Variants in AASDH observed in about 807,000 individuals in gnomAD.
AASDH encodes aminoadipate-semialdehyde dehydrogenase, also known as beta-alanine-activating enzyme.
A neutral mutation model predicts 102.3 loss-of-function variants in AASDH; 81 were observed. The ratio of observed to expected loss-of-function variants is 0.79; its 90% CI spans 0.66 to 0.95. AASDH has a LOEUF of 0.95. AASDH is among the 40% of genes least tolerant of loss of function. The pLI, the probability that AASDH is intolerant of heterozygous loss-of-function variation, is 0.00. For missense variants in AASDH, 1,203 were observed against 1,266.2 expected (o/e 0.95, Z 0.76); for synonymous variants, 398 against 454.0 (o/e 0.88, Z 1.57).
intron 4 of AASDH, among the ~76,000 whole-genome samples, 163 bp from the exon 5 acceptor site, chr4:56,371,806 A>G (rs559807632): frequency 3.3e-4 from 50 of 152,346 alleles, no homozygotes; most frequent in African/African-American, 1.1e-3. Flanking sequence ...AATTCAGGAA[A>G]TCTTCTTTAT....
At chr4:56,350,432 C>T (rs1252376562) in intron 10 of AASDH, among the ~76,000 whole-genome samples, 1 of 151,982 alleles carries the variant, frequency 6.6e-6, no homozygotes, top group African/African-American at 2.4e-5. Flanking sequence ...CCCGCCTGGG[C>T]AACAGAGTGA....
Position 56,351,343 on chromosome 4 carries a change from T to C in AASDH, c.1691A>G (p.Lys564Arg). 6.5e-7 allele frequency: 1 copy of C among 1,544,970 alleles called. No individual in the cohort carries two copies. Among genetic ancestry groups the C allele is most frequent in the Non-Finnish European group, 8.9e-7 (1 of 1,124,092 alleles). ...AATTTTATAACTTAAAAATTGTACC[T>C]TCCACAAATACTGTAATTTTTCCCA... is the stretch of plus-strand genomic sequence containing the variant. ...DLWEKLQYLW[K>R]STLNLPEDLL... Residue 564 changes from lysine (K) to arginine (R), a missense_variant and splice_region_variant, in exon 10 of 15, where the codon AAG becomes AGG. Lys to Arg is a conservative substitution (Grantham distance 26). Transcript: ENST00000205214.
rs1271764198 is a variant in AASDH at position 56,349,757 on chromosome 4, G to C, written c.1994C>G (p.Ala665Gly). 6.2e-7 allele frequency: 1 copy of C among 1,614,180 alleles called. No homozygotes were observed. Among genetic ancestry groups the C allele is most frequent in the Non-Finnish European group, 8.5e-7 (1 of 1,180,032 alleles). The change falls in exon 11 of 15, where the codon GCC (alanine) becomes GGC (glycine). Residue 665 changes from alanine to glycine, a missense_variant. Transcript: ENST00000205214. Reference sequence around the variant, plus strand: ...ATTGTGGCAAGTGAAAGTCATGATGGCTTTCTGATGTAAAGATGTTCCACT... The same window carrying C: ...ATTGTGGCAAGTGAAAGTCATGATGCCTTTCTGATGTAAAGATGTTCCACT... ...EASGTSLHQK[A>G]IMTFTCHNEI...
In AASDH at chr4:56,354,759, C is replaced by T. The variant is rs1283602737; in HGVS notation, c.1156G>A (p.Val386Ile). Residue 386 changes from valine (V) to isoleucine (I), a missense_variant, in exon 7 of 15, where the codon GTC (valine) becomes ATC (isoleucine). By Grantham distance (29) the Val-to-Ile change is conservative. Transcript: ENST00000205214. ...GFPLLGTVVE[V>I]RDTNGFTIQE... The stretch of plus-strand genomic sequence containing the variant: ...ATTGTGAAGCCATTAGTATCTCTGA[C>T]TTCAACTACTGTTCCAAGAAGTGGA... 6.2e-7 allele frequency: 1 copy of T among 1,611,610 alleles called. No individual in the cohort carries two copies. The highest frequency in any genetic ancestry group is 1.3e-5 in the African/African-American group (1 of 74,842).
At chr4:56,368,920 A>T (rs1751365614) in intron 5 of AASDH, among the ~76,000 whole-genome samples, 1 of 152,012 alleles carries the variant, frequency 6.6e-6, no homozygotes, top group East Asian at 1.9e-4. Context: ...AAAAAGAAAA[A>T]GAAAAGATGA....
At chr4:56,376,625 T>A (rs1021077531) in intron 4 of AASDH, among the ~76,000 whole-genome samples, 3 of 152,172 alleles carry the variant, frequency 2.0e-5, no homozygotes, top group African/African-American at 7.2e-5. Context: ...ATATGGCTAG[T>A]CCACGTTGAG....
chr4:56,362,752 G>C (rs1473582928), intron 5 of AASDH, among the ~76,000 whole-genome samples: 1 of 152,114 alleles, frequency 6.6e-6, no homozygotes, highest in Non-Finnish European at 1.5e-5. Flanking sequence ...ATGAACCCTG[G>C]GGGTGGAGCC....
At chr4:56,343,355 CA>C in intron 13 of AASDH, among the ~76,000 whole-genome samples, 2 of 89,948 alleles carry the variant, frequency 2.2e-5, no homozygotes, top group African/African-American at 7.5e-5. Flanking sequence ...AACAAACAAA[CA>C]AAAAAATACA....
At chr4:56,381,649 T>TCTCACACACATACACA (rs3223650) in intron 3 of AASDH, 1 of 142,304 alleles carries the variant, frequency 7.0e-6, no homozygotes, top group Non-Finnish European at 1.5e-5. Context: ...TTGACACTTC[T>TCTCACACACATACACA]CACACACACA....
intron 14 of AASDH, among the ~76,000 whole-genome samples, chr4:56,339,178 G>T (rs1162272161): frequency 6.6e-6 from 1 of 151,176 alleles, no homozygotes; most frequent in Non-Finnish European, 1.5e-5. Context: ...TTTTGAGATG[G>T]AGTCTTGCTC....
intron 11 of AASDH, among the ~76,000 whole-genome samples, chr4:56,346,517 T>C (rs571698968): frequency 6.5e-4 from 99 of 152,186 alleles, no homozygotes; most frequent in African/African-American, 2.1e-3. Flanking sequence ...AAAAATTAAA[T>C]TGGACTTCAT....
rs540530173 is a variant in AASDH at position 56,366,555 on chromosome 4, C to G, written c.861+4896G>C. Reference sequence around the variant, plus strand: ...GTGGGCTTCATCCCTAGGATGCAAGCCTGGTTCAATATATGCAAATCAATA... The same window carrying G: ...GTGGGCTTCATCCCTAGGATGCAAGGCTGGTTCAATATATGCAAATCAATA... On this transcript the variant is annotated intron_variant, in intron 5 of 14. Transcript: ENST00000205214. 4.2e-3 allele frequency among the ~76,000 whole-genome samples: 645 copies of G among 152,144 alleles called. 3 individuals are homozygous for G. The highest frequency in any genetic ancestry group is 0.015 in the African/African-American group (623 of 41,502).
rs1199005369 is a variant in AASDH at position 56,378,179 on chromosome 4, T to C, written c.637A>G (p.Lys213Glu). 1.2e-6 allele frequency: 2 copies of C among 1,612,878 alleles called. No individual in the cohort carries two copies. Among genetic ancestry groups the C allele is most frequent in the Admixed American group, 1.7e-5 (1 of 59,788 alleles). Reference sequence around the variant, plus strand: ...TGCTGGATATTTGGTACTATACACTTATGAGGCACTCTGACAATCTTCGGT... The same window carrying C: ...TGCTGGATATTTGGTACTATACACTCATGAGGCACTCTGACAATCTTCGGT... The part of the protein sequence containing the change: ...GIPKIVRVPH[K>E]CIVPNIQHFR... The change falls in exon 4 of 15, where the codon AAG (lysine) becomes GAG (glutamate). Residue 213 changes from lysine to glutamate, a missense_variant. Lys to Glu is a moderately conservative substitution (Grantham distance 56, BLOSUM62 1). Coordinates refer to ENST00000205214, the MANE Select transcript of AASDH (RefSeq NM_181806.4).
At chr4:56,342,110 CAAAAAA>C (rs113304959) in intron 14 of AASDH, among the ~76,000 whole-genome samples, 2 of 97,484 alleles carry the variant, frequency 2.1e-5, no homozygotes, top group East Asian at 6.2e-4. Flanking sequence ...GATTCTGTCT[CAAAAAA>C]AAAAAAAAAA....
At chr4:56,356,696 G>T in intron 5 of AASDH, 2 of 696,464 alleles carry the variant, frequency 2.9e-6, no homozygotes, top group East Asian at 2.6e-5. Flanking sequence ...GGGAAGGGAA[G>T]ACTGGGATGT....
chr4:56,368,058 G>A (rs1298657912), intron 5 of AASDH, among the ~76,000 whole-genome samples: 1 of 152,202 alleles, frequency 6.6e-6, no homozygotes, highest in African/African-American at 2.4e-5. Flanking sequence ...AGTGGGCGAA[G>A]GATATGAACA....
intron 5 of AASDH, among the ~76,000 whole-genome samples, chr4:56,362,253 CTTTT>C (rs879849570): frequency 4.6e-5 from 7 of 150,966 alleles, no homozygotes; most frequent in African/African-American, 7.3e-5. Context: ...GTTTTGACAG[CTTTT>C]TTTTTCTTTG....
At chr4:56,359,645 A>C (rs1578004579) in intron 5 of AASDH, among the ~76,000 whole-genome samples, 1 of 134,560 alleles carries the variant, frequency 7.4e-6, no homozygotes, top group African/African-American at 2.9e-5. Flanking sequence ...TGCAATCGCC[A>C]CCCCCCAGGT....
At chr4:56,378,877 A>AT (rs1348627724) in intron 3 of AASDH, among the ~76,000 whole-genome samples, 3 of 109,106 alleles carry the variant, frequency 2.7e-5, no homozygotes, top group South Asian at 2.7e-4. Context: ...TATAATCTTT[A>AT]TTTTTTTATT....
Sources: allele counts gnomAD v4.1 joint callset (sites outside exome capture counted in the v4.1 genomes callset), GRCh38; gene constraint gnomAD v4.1.1; transcripts MANE v1.5; gene names NCBI Gene and HGNC (gene_info 2026-07-23, HGNC 2026-07-21).